The following CDKN2B-AS1 variants were observed in gnomAD, a reference collection of about 807,000 sequenced individuals.
CDKN2B-AS1 encodes the protein CDKN2B and CDKN2A antisense cis and trans regulatory RNA 1.
At chr9:22,009,939 A>G (rs935611774) in intron 1 of CDKN2B-AS1, among the ~76,000 whole-genome samples, 8 of 152,180 alleles carry the variant, frequency 5.3e-5, no homozygotes, top group African/African-American at 1.9e-4. Context: ...CCCTTAAAAG[A>G]GAAAAAAACT....
intron 4 of CDKN2B-AS1, among the ~76,000 whole-genome samples, chr9:22,086,569 C>T (rs377359286): frequency 2.6e-5 from 4 of 152,224 alleles, no homozygotes; most frequent in South Asian, 2.1e-4. Flanking sequence ...TTTCCCATGA[C>T]TTCTCTGAAG....
rs906147073 is a variant in CDKN2B-AS1, at chr9:22,095,033, C to G, written n.439-32070C>G. ...GTTTGTTAGTTTTCCTTCTAACAGT[C>G]AGGACCCTCAGCTGCAGGTCTGTTG... On this transcript the variant is annotated intron_variant and non_coding_transcript_variant, in intron 4 of 4. Transcript: ENST00000650946. Among the ~76,000 whole-genome samples, 2 of 144,964 alleles carry G rather than the reference C, an allele frequency of 1.4e-5. 1 individual carries two copies. Among genetic ancestry groups the G allele is most frequent in the African/African-American group, 5.7e-5 (2 of 34,976 alleles).
rs1435923626 is a variant in CDKN2B-AS1 at position 21,996,815 on chromosome 9, A to G, written n.29+1654A>G. 6.6e-6 allele frequency among the ~76,000 whole-genome samples: 1 copy of G among 152,208 alleles called. No homozygotes were observed. Among genetic ancestry groups the G allele is most frequent in the Non-Finnish European group, 1.5e-5 (1 of 68,030 alleles). Reference sequence around the variant, plus strand: ...TGCCAGCATAGTGTCATTTAAAGATACTGGAGGAATGGAGTGGGAGCGGTG... The same window carrying G: ...TGCCAGCATAGTGTCATTTAAAGATGCTGGAGGAATGGAGTGGGAGCGGTG... On this transcript the variant is annotated intron_variant and non_coding_transcript_variant, in intron 1 of 4. Transcript: ENST00000650946. This position sits in a 1 kb window ranked among gnomAD's most constrained non-coding sequence, Gnocchi z 5.4.
At chr9:22,018,341 G>A (rs944477441) in intron 1 of CDKN2B-AS1, among the ~76,000 whole-genome samples, 4 of 148,910 alleles carry the variant, frequency 2.7e-5, no homozygotes, top group African/African-American at 9.9e-5. Context: ...TTTGACTGAA[G>A]CCATACTTAC....
chr9:22,022,945 A>T lies in CDKN2B-AS1; in HGVS notation n.30-23806A>T, dbSNP rs557443577. Reference sequence around the variant, plus strand: ...AGTTTCTTTTCTTTAAAAACATTGAATATTGGCCTCCAATCACTTCTGGCT... The same window carrying T: ...AGTTTCTTTTCTTTAAAAACATTGATTATTGGCCTCCAATCACTTCTGGCT... On this transcript the variant is annotated intron_variant and non_coding_transcript_variant, in intron 1 of 4. Transcript: ENST00000650946. Among the ~76,000 whole-genome samples, 14 of 152,294 alleles carry T rather than the reference A, an allele frequency of 9.2e-5. No individual in the cohort carries two copies. In the South Asian group the frequency reaches 2.9e-3, roughly 32 times the overall value.
intron 1 of CDKN2B-AS1, among the ~76,000 whole-genome samples, chr9:22,025,159 C>A (rs1822179313): frequency 1.3e-5 from 2 of 152,174 alleles, no homozygotes; most frequent in Admixed American, 6.5e-5. Flanking sequence ...GGGGCTCCAC[C>A]CCAGAGAGAT....
chr9:22,122,598 T>C (rs1182661638), intron 4 of CDKN2B-AS1, among the ~76,000 whole-genome samples: 1 of 152,176 alleles, frequency 6.6e-6, no homozygotes, highest in African/African-American at 2.4e-5. Context: ...GAATCTAGTT[T>C]AATTCTTCTG....
Position 22,005,881 on chromosome 9 carries a change from A to C in CDKN2B-AS1, n.29+10720A>C. 2.1e-6 allele frequency: 3 copies of C among 1,452,020 alleles called. No homozygotes were observed. Among genetic ancestry groups the C allele is most frequent in the East Asian group, 2.4e-5 (1 of 41,170 alleles). The allele number at this position is 1,452,020 out of a possible 1,614,324, so 89.9% of individuals were successfully genotyped here. On this transcript the variant is annotated intron_variant and non_coding_transcript_variant, in intron 1 of 4. Coordinates refer to ENST00000650946, the Ensembl canonical transcript of CDKN2B-AS1. The surrounding 1 kb of genome is among the most constrained non-coding windows in gnomAD (Gnocchi z 4.9). ...GTCTCAGACAGGCTTGCAGGCTTAC[A>C]GGCTTTCCGCCGCTCCCCGTTGGCA...
At chr9:22,030,950 G>A (rs1418926795) in intron 1 of CDKN2B-AS1, 1 of 152,126 alleles carries the variant, frequency 6.6e-6, no homozygotes. Flanking sequence ...TTCACCAGGT[G>A]TAGTTAGGTT....
intron 4 of CDKN2B-AS1, among the ~76,000 whole-genome samples, chr9:22,110,654 A>T (rs570542089): frequency 6.6e-6 from 1 of 152,266 alleles, no homozygotes; most frequent in South Asian, 2.1e-4. Flanking sequence ...ATTGTGTATA[A>T]GTGCGTAAAC....
At chr9:22,096,943 G>A (rs1191548578) in intron 4 of CDKN2B-AS1, among the ~76,000 whole-genome samples, 1 of 152,020 alleles carries the variant, frequency 6.6e-6, no homozygotes, top group East Asian at 1.9e-4. Context: ...AGAGATCCCT[G>A]CCCTTATTTT....
chr9:22,117,236 T>G (rs1563991595), intron 4 of CDKN2B-AS1, among the ~76,000 whole-genome samples: 1 of 152,212 alleles, frequency 6.6e-6, no homozygotes, highest in Non-Finnish European at 1.5e-5. Context: ...TGCTATGAAA[T>G]TTTGTTTATT....
At chr9:22,079,838 C>T (rs559902381) in intron 4 of CDKN2B-AS1, among the ~76,000 whole-genome samples, 1 of 152,358 alleles carries the variant, frequency 6.6e-6, no homozygotes, top group African/African-American at 2.4e-5. Flanking sequence ...CATCTAGCCT[C>T]ACATTGCATT....
chr9:22,099,772 A>G (rs1246529474), intron 4 of CDKN2B-AS1, among the ~76,000 whole-genome samples: 2 of 152,184 alleles, frequency 1.3e-5, no homozygotes, highest in African/African-American at 4.8e-5. Context: ...TGCAGTACAT[A>G]TTCAGTATGC....
At chr9:22,036,372 G>A (rs1191252377) in intron 1 of CDKN2B-AS1, among the ~76,000 whole-genome samples, 2 of 152,024 alleles carry the variant, frequency 1.3e-5, no homozygotes, top group African/African-American at 4.8e-5. Context: ...ACAATTCTTT[G>A]ATAGGTTAAA....
chr9:22,075,186 AAG>A (rs1189738951), intron 4 of CDKN2B-AS1, among the ~76,000 whole-genome samples: 5 of 152,204 alleles, frequency 3.3e-5, no homozygotes, highest in Non-Finnish European at 5.9e-5. Context: ...GAGGTTTAGA[AAG>A]CACTGCAATG....
exon 2 of CDKN2B-AS1, chr9:22,046,804 A>G (rs1289573352): frequency 6.6e-6 from 1 of 152,154 alleles, no homozygotes; most frequent in Non-Finnish European, 1.5e-5. Flanking sequence ...GCAGAGATCA[A>G]AGAAAAGACT....
chr9:22,042,645 G>A (rs918441170), intron 1 of CDKN2B-AS1, among the ~76,000 whole-genome samples: 37 of 152,076 alleles, frequency 2.4e-4, no homozygotes, highest in Admixed American at 5.2e-4. Flanking sequence ...CATTCATGCT[G>A]TCTTTGGATG....
chr9:22,078,989 T>C (rs1824596195), intron 4 of CDKN2B-AS1, among the ~76,000 whole-genome samples: 1 of 152,214 alleles, frequency 6.6e-6, no homozygotes, highest in African/African-American at 2.4e-5. Context: ...AAAGTCACCA[T>C]TATGGAAGCC....
Sources: allele counts gnomAD v4.1 joint callset (sites outside exome capture counted in the v4.1 genomes callset), GRCh38; gene constraint gnomAD v4.1.1; non-coding constraint Gnocchi (gnomAD v3.1); transcripts MANE v1.5; gene names NCBI Gene and HGNC (gene_info 2026-07-23, HGNC 2026-07-21).